Variants in SFTPB observed in about 807,000 individuals in gnomAD.
SFTPB encodes surfactant protein B.
Under a neutral mutation model 51.0 loss-of-function variants are expected in SFTPB, and 32 were observed. The ratio of observed to expected loss-of-function variants is 0.63; its 90% CI spans 0.47 to 0.84. The LOEUF (loss-of-function observed/expected upper bound fraction) is 0.84. Ranked by LOEUF, SFTPB falls within the 40% of genes least tolerant of loss-of-function variation. The pLI, the probability that SFTPB is intolerant of heterozygous loss-of-function variation, is 0.00. For synonymous variants in SFTPB, 211 were observed against 208.5 expected (o/e 1.01, Z -0.10); for missense variants, 431 against 491.2 (o/e 0.88, Z 1.16).
chr2:85,665,183 G>T, intron 6 of SFTPB, 106 bp downstream of exon 6: 2 of 913,166 alleles, frequency 2.2e-6, no homozygotes, highest in South Asian at 2.6e-5. Flanking sequence ...ACTTCTGGCA[G>T]CCAGCTGGGT....
intron 4 of SFTPB, 115 bp downstream of exon 4, chr2:85,666,502 T>G: frequency 9.6e-7 from 1 of 1,042,650 alleles, no homozygotes; most frequent in Non-Finnish European, 1.4e-6. Context: ...GCTGTGTGTG[T>G]GTGTGTGTGT....
At chr2:85,667,240 G>A in intron 2 of SFTPB, 63 bp from the exon 3 acceptor site, 1 of 1,271,746 alleles carries the variant, frequency 7.9e-7, no homozygotes, top group Non-Finnish European at 1.2e-6. Context: ...AGCTCCAATG[G>A]GGAGGTTCTC....
rs750293687 is a variant in SFTPB at position 85,666,610 on chromosome 2, C to T, written c.393+7G>A. 8.7e-6 allele frequency: 14 copies of T among 1,613,070 alleles called. No individual in the cohort carries two copies. Among genetic ancestry groups the T allele is most frequent in the Non-Finnish European group, 1.2e-5 (14 of 1,179,592 alleles). On this transcript the variant is annotated splice_region_variant and intron_variant, in intron 4 of 10. Transcript: ENST00000519937. ...AGGCAGGCAGGAGGTGAGCTTGCAG[C>T]CCTCACAGTCTGGTTCTGGAAGTAG...
At chr2:85,666,871 A>T in intron 3 of SFTPB, 129 bp from the exon 4 acceptor site, 1 of 1,281,708 alleles carries the variant, frequency 7.8e-7, no homozygotes. Context: ...ACGAGTGCCA[A>T]GGAGTTAAGT....
Position 85,667,103 on chromosome 2 carries a change from T to C in SFTPB, c.267+3A>G. ...CCTTCATCCAGGATCTGGGCATCATTACCTGGAAAATGGCCTCCTTGGCCA... is the reference window on the plus strand; with the variant it reads ...CCTTCATCCAGGATCTGGGCATCATCACCTGGAAAATGGCCTCCTTGGCCA... On this transcript the variant is annotated splice_donor_region_variant and intron_variant, in intron 3 of 10. Coordinates refer to ENST00000519937, the MANE Select transcript of SFTPB (RefSeq NM_000542.5). The C allele has an allele frequency of 6.2e-7, 1 of 1,607,050 alleles. No individual in the cohort carries two copies. The highest frequency in any genetic ancestry group is 8.5e-7 in the Non-Finnish European group (1 of 1,173,548).
rs1248848792 is a variant in SFTPB at position 85,667,652 on chromosome 2, T to C, written c.195+27A>G. 7.4e-6 allele frequency: 12 copies of C among 1,614,090 alleles called. No individual in the cohort carries two copies. The South Asian group carries it at 1.3e-4, about 18-fold the overall frequency. The stretch of plus-strand genomic sequence containing the variant: ...AGCACCCTTCATTTCAGACCCCCAG[T>C]TGCCATGCATCCTTGGTGGTACTCA... On this transcript the variant is annotated intron_variant, in intron 2 of 10. Coordinates refer to ENST00000519937, the MANE Select transcript of SFTPB (RefSeq NM_000542.5).
At chr2:85,668,449 C>G (rs965474646), upstream of SFTPB, among the ~76,000 whole-genome samples, 1 of 152,248 alleles carries the variant, frequency 6.6e-6, no homozygotes, top group African/African-American at 2.4e-5. Context: ...CAGGGGCTCT[C>G]AAGCCTCCAT....
intron 4 of SFTPB, among the ~76,000 whole-genome samples, chr2:85,666,091 G>A (rs1023349118): frequency 1.3e-5 from 2 of 152,130 alleles, no homozygotes; most frequent in African/African-American, 2.4e-5. Context: ...CAGGCCCACC[G>A]TGTGCACCTG....
In SFTPB at chr2:85,658,512, T is replaced by C. The variant is rs1321371439; in HGVS notation, c.*1190A>G. 3 of 152,266 alleles carry C rather than the reference T, an allele frequency of 2.0e-5. No homozygotes were observed. The highest frequency in any genetic ancestry group is 1.9e-4 in the East Asian group (1 of 5,188). 9.4% of individuals were successfully genotyped at this position (152,266 alleles called of 1,614,324 possible). On this transcript the variant is annotated 3_prime_UTR_variant, in exon 11 of 11. Coordinates refer to ENST00000519937, the MANE Select transcript of SFTPB (RefSeq NM_000542.5). ...TACTGCAGCGCTTTTTATTTATTTA[T>C]TTATTTACTGAGATGGAGTCTTGCT...
At chr2:85,666,410 GCCAGCTGGGGTGT>G in intron 4 of SFTPB, 194 bp downstream of exon 4, 1 of 513,960 alleles carries the variant, frequency 1.9e-6, no homozygotes, top group Non-Finnish European at 3.5e-6. Flanking sequence ...TGTGTGTCCG[GCCAGCTGGGGTGT>G]TGTGTGTGTG....
chr2:85,658,094 A>G lies in SFTPB; in HGVS notation c.*1608T>C, dbSNP rs991601587. 1 of 152,530 alleles carries G rather than the reference A, an allele frequency of 6.6e-6. No individual in the cohort carries two copies. Among genetic ancestry groups the G allele is most frequent in the Non-Finnish European group, 1.5e-5 (1 of 68,122 alleles). 9.4% of individuals were successfully genotyped at this position (152,530 alleles called of 1,614,324 possible). ...GTTGCTTCAGGCCATCTGGGTGTATACGTGCAGGGCACAGGGGATATGATG... is the reference window on the plus strand; with the variant it reads ...GTTGCTTCAGGCCATCTGGGTGTATGCGTGCAGGGCACAGGGGATATGATG... On this transcript the variant is annotated 3_prime_UTR_variant, in exon 11 of 11. Coordinates refer to ENST00000519937, the MANE Select transcript of SFTPB (RefSeq NM_000542.5).
upstream of SFTPB, chr2:85,668,371 G>A (rs1573481057): frequency 1.5e-4 from 93 of 635,678 alleles, 1 homozygote; most frequent in East Asian, 2.5e-3. Context: ...CCTGGCTGAT[G>A]GCCTGTTCCT....
rs551519789 is a variant in SFTPB, at chr2:85,667,383, T to C, written c.196-206A>G. Among the ~76,000 whole-genome samples the C allele has an allele frequency of 1.4e-4, 21 of 151,666 alleles. 1 individual carries two copies. Among genetic ancestry groups the C allele is most frequent in the Admixed American group, 1.4e-3 (21 of 15,242 alleles). ...CATCCCAATCCATCCATCTTTATTCTGTGTCATCCCATCCCATCCCATCCC... is the reference window on the plus strand; with the variant it reads ...CATCCCAATCCATCCATCTTTATTCCGTGTCATCCCATCCCATCCCATCCC... On this transcript the variant is annotated intron_variant, in intron 2 of 10. Transcript: ENST00000519937.
At position 85,666,956 on chromosome 2, in the gene SFTPB, C is replaced by T. The variant is rs34965232; in HGVS notation, c.267+150G>A. On this transcript the variant is annotated intron_variant, in intron 3 of 10. Transcript: ENST00000519937. ...TGTGCTATTGAGCTCAGGGCCATGA[C>T]CTGCTCCCAGCCAGGAGGAGCTGGG... is the stretch of plus-strand genomic sequence containing the variant. The T allele has an allele frequency of 1.7e-4, 159 of 934,208 alleles. No individual in the cohort carries two copies. The African/African-American group carries it at 2.4e-3, about 14-fold the overall frequency. 57.9% of individuals were successfully genotyped at this position (934,208 alleles called of 1,614,324 possible). A position where few individuals can be genotyped will look rare whatever the true frequency, so the allele number is the denominator to read the frequency against.
Position 85,667,718 on chromosome 2 carries a change from T to G in SFTPB, c.156A>C (p.Leu52=). The change falls in exon 2 of 11, where the codon CTA becomes CTC. Residue 52 remains leucine, a synonymous_variant. Coordinates refer to ENST00000519937, the MANE Select transcript of SFTPB (RefSeq NM_000542.5). ...CCCAGACTTCCTGTAGGCAATGCCC[T>G]AGGGCTCTGCACTGCAATGCTTGCT... The part of the protein sequence containing the change: ...SLEQALQCRA[L]GHCLQEVWGH... 1 of 1,614,250 alleles carries G rather than the reference T, an allele frequency of 6.2e-7. No homozygotes were observed. Among genetic ancestry groups the G allele is most frequent in the Non-Finnish European group, 8.5e-7 (1 of 1,180,036 alleles).
intron 8 of SFTPB, 173 bp from the exon 9 acceptor site, chr2:85,662,282 G>A (rs1677345509): frequency 1.4e-6 from 2 of 1,462,280 alleles, no homozygotes. Context: ...GGAGCCAGCT[G>A]AAATGGAGGA....
At chr2:85,659,906 A>G (rs1264698328) in intron 10 of SFTPB, among the ~76,000 whole-genome samples, 1 of 152,182 alleles carries the variant, frequency 6.6e-6, no homozygotes, top group African/African-American at 2.4e-5. Flanking sequence ...CACTGGGGCA[A>G]GGACACATTA....
chr2:85,666,233 G>GTGTGTGTGTGTGTGC (rs1677592138), intron 4 of SFTPB, among the ~76,000 whole-genome samples: 1 of 146,438 alleles, frequency 6.8e-6, no homozygotes, highest in African/African-American at 2.5e-5. Flanking sequence ...GTGTGTGTGT[G>GTGTGTGTGTGTGTGC]TGTGTGTGTG....
At chr2:85,662,733 CAA>C (rs1677370630) in intron 8 of SFTPB, among the ~76,000 whole-genome samples, 1 of 150,296 alleles carries the variant, frequency 6.7e-6, no homozygotes, top group South Asian at 2.1e-4. Flanking sequence ...CCCAGCTACT[CAA>C]GAGGCTGAGG....
Sources: gnomAD v4.1 joint callset for allele counts (sites outside exome capture counted in the v4.1 genomes callset) on GRCh38, gnomAD v4.1.1 for gene constraint, MANE v1.5 for transcripts, NCBI Gene and HGNC (gene_info 2026-07-23, HGNC 2026-07-21) for gene names.